Variants in LRPAP1 observed in about 807,000 individuals in gnomAD.
LRPAP1 encodes the protein LDL receptor related protein associated protein 1, also known as alpha-2-macroglobulin receptor-associated protein.
LRPAP1 carries 41 observed loss-of-function variants against 39.9 expected under a neutral mutation model. That is an observed-to-expected ratio of 1.03 (90% CI 0.80 to 1.33). The LOEUF (loss-of-function observed/expected upper bound fraction) is 1.33, where lower values mean the gene tolerates loss of function less well. Among genes scored for constraint, LRPAP1 ranks in the 40% most tolerant of loss-of-function variants. The probability of loss-of-function intolerance (pLI) is 0.00; values close to 1 mark genes in which losing one functional copy is unlikely to be tolerated. For synonymous variants in LRPAP1, 263 were observed against 212.7 expected (o/e 1.24, Z -2.06); for missense variants, 565 against 482.3 (o/e 1.17, Z -1.61).
At chr4:3,530,289 G>A (rs1160108755) in intron 1 of LRPAP1, among the ~76,000 whole-genome samples, 2 of 152,200 alleles carry the variant, frequency 1.3e-5, no homozygotes, top group East Asian at 3.9e-4. Flanking sequence ...CTTGGCTCCA[G>A]GATAGAACAC....
At chr4:3,525,945 C>T (rs544899122) in intron 1 of LRPAP1, among the ~76,000 whole-genome samples, 1 of 152,302 alleles carries the variant, frequency 6.6e-6, no homozygotes, top group African/African-American at 2.4e-5. Context: ...TCGGGGCTGG[C>T]CCGGCCGCTA....
chr4:3,528,241 A>C (rs559820019), intron 1 of LRPAP1, among the ~76,000 whole-genome samples: 22 of 152,336 alleles, frequency 1.4e-4, no homozygotes, highest in African/African-American at 4.8e-4. Flanking sequence ...CAGCGAGGCA[A>C]ATCATCAACA....
rs189543874 is a variant in LRPAP1, at chr4:3,506,727, A to G, written c.*6247T>C. 2 of 152,332 alleles carry G rather than the reference A, an allele frequency of 1.3e-5. No homozygotes were observed. The highest frequency in any genetic ancestry group is 3.9e-4 in the East Asian group (2 of 5,190). 9.4% of individuals were successfully genotyped at this position (152,332 alleles called of 1,614,324 possible). A position where few individuals can be genotyped will look rare whatever the true frequency, so the allele number is the denominator to read the frequency against. On this transcript the variant is annotated 3_prime_UTR_variant, in exon 8 of 8. Coordinates refer to ENST00000650182, the MANE Select transcript of LRPAP1 (RefSeq NM_002337.4). ...TGGTTTGCTGCTGTGTAGTTTCCCCAAAGTCTCAATTTGATGAGAAAATAG... is the reference window on the plus strand; with the variant it reads ...TGGTTTGCTGCTGTGTAGTTTCCCCGAAGTCTCAATTTGATGAGAAAATAG...
intron 7 of LRPAP1, 111 bp downstream of exon 7, chr4:3,514,641 A>T: frequency 1.5e-6 from 2 of 1,364,266 alleles, no homozygotes; most frequent in East Asian, 4.8e-5. Context: ...CAGGGAAGAC[A>T]GCAGCGTGGG....
At chr4:3,517,735 G>A (rs1729761808) in intron 5 of LRPAP1, 5 of 309,680 alleles carry the variant, frequency 1.6e-5, no homozygotes, top group Non-Finnish European at 3.0e-5. Context: ...ACAGCAGCAC[G>A]GGAGGGGCCG....
In LRPAP1 at chr4:3,518,851, G is replaced by T. The variant is rs1243855352; in HGVS notation, c.592+20C>A. Reference sequence around the variant, plus strand: ...GAGGGGGTGGGGCAGAGGGCAGGAGGGGGTGGGGGCGGGGGGCACCTTCGG... The same window carrying T: ...GAGGGGGTGGGGCAGAGGGCAGGAGTGGGTGGGGGCGGGGGGCACCTTCGG... On this transcript the variant is annotated intron_variant, in intron 4 of 7. Transcript: ENST00000650182. 22 of 1,509,614 alleles carry T rather than the reference G, an allele frequency of 1.5e-5. No individual in the cohort carries two copies. The highest frequency in any genetic ancestry group is 2.0e-5 in the Non-Finnish European group (22 of 1,119,450). The allele number at this position is 1,509,614 out of a possible 1,614,324, so 93.5% of individuals were successfully genotyped here.
rs1729306045 is a variant in LRPAP1 at position 3,504,897 on chromosome 4, A to T, written c.*8077T>A. On this transcript the variant is annotated 3_prime_UTR_variant, in exon 8 of 8. Coordinates refer to ENST00000650182, the MANE Select transcript of LRPAP1 (RefSeq NM_002337.4). ...GGGAGGCAGAGGTTGCAGTGAGCCG[A>T]GATCGCACCAACGCACTCCAGCCTG... 6.6e-6 allele frequency among the ~76,000 whole-genome samples: 1 copy of T among 152,142 alleles called. No individual in the cohort carries two copies. Among genetic ancestry groups the T allele is most frequent in the Admixed American group, 6.5e-5 (1 of 15,272 alleles).
In LRPAP1 at chr4:3,532,162, G is replaced by A. The variant is rs753187977; in HGVS notation, c.204+47C>T. The stretch of plus-strand genomic sequence containing the variant: ...GCCCCGCTCCAACGACCCCAACCAC[G>A]GCCCCCGCCCCCAGGCCCCGCTCCA... On this transcript the variant is annotated intron_variant, in intron 1 of 7. Transcript: ENST00000650182. The A allele has an allele frequency of 2.6e-6, 4 of 1,518,308 alleles. No homozygotes were observed. The South Asian group carries it at 4.8e-5, about 18-fold the overall frequency. 94.1% of individuals were successfully genotyped at this position (1,518,308 alleles called of 1,614,324 possible).
chr4:3,519,928 G>T, intron 3 of LRPAP1, 144 bp downstream of exon 3: 7 of 881,226 alleles, frequency 7.9e-6, no homozygotes, highest in Non-Finnish European at 1.2e-5. Flanking sequence ...CAGTGGAATG[G>T]CTTCCTTAGG....
rs905836162 is a variant in LRPAP1, at chr4:3,505,346, C to G, written c.*7628G>C. 6.6e-6 allele frequency among the ~76,000 whole-genome samples: 1 copy of G among 152,248 alleles called. No homozygotes were observed. The highest frequency in any genetic ancestry group is 1.5e-5 in the Non-Finnish European group (1 of 68,026). ...TCCCCCCAGCTCCAAATCCAGCATC[C>G]CTCCCCGGTGCCTAGCCCTCGCCAG... On this transcript the variant is annotated 3_prime_UTR_variant, in exon 8 of 8. Transcript: ENST00000650182.
chr4:3,525,108 G>C (rs559244312), intron 1 of LRPAP1, 57 bp from the exon 2 acceptor site: 12 of 1,601,782 alleles, frequency 7.5e-6, no homozygotes, highest in South Asian at 4.4e-5. Flanking sequence ...AGGACACAGC[G>C]AGAAACTGAC....
chr4:3,532,070 G>A (rs1484148923), intron 1 of LRPAP1, 139 bp downstream of exon 1: 19 of 948,896 alleles, frequency 2.0e-5, no homozygotes, highest in Non-Finnish European at 2.9e-5. Context: ...GGGGGAGGCT[G>A]TGCCAAGGAC....
At chr4:3,514,201 G>C (rs1794440) in intron 7 of LRPAP1, among the ~76,000 whole-genome samples, 107,751 of 152,256 alleles carry the variant, frequency 0.71, 38,533 homozygotes, top group East Asian at 0.93. Flanking sequence ...TTAGGCCTTT[G>C]CTATTTTTGA....
chr4:3,532,160 A>C, intron 1 of LRPAP1, 49 bp downstream of exon 1: 2 of 1,527,788 alleles, frequency 1.3e-6, no homozygotes, highest in South Asian at 1.2e-5. Context: ...GACCCCAACC[A>C]CGGCCCCCGC....
At chr4:3,525,389 A>G (rs1730050525) in intron 1 of LRPAP1, among the ~76,000 whole-genome samples, 2 of 152,210 alleles carry the variant, frequency 1.3e-5, no homozygotes, top group Non-Finnish European at 2.9e-5. Context: ...CAGAGCAGGA[A>G]GAAGATACCC....
At chr4:3,531,891 TGTG>T (rs1425497120) in intron 1 of LRPAP1, 6 of 428,134 alleles carry the variant, frequency 1.4e-5, no homozygotes, top group African/African-American at 1.1e-4. Context: ...GCAGGAGACC[TGTG>T]ATCTAGCCTG....
At chr4:3,520,932 T>C (rs1416163792) in intron 2 of LRPAP1, among the ~76,000 whole-genome samples, 1 of 152,102 alleles carries the variant, frequency 6.6e-6, no homozygotes, top group South Asian at 2.1e-4. Flanking sequence ...GCCACCAACA[T>C]GATATGAAAG....
chr4:3,532,358 G>C lies in LRPAP1; in HGVS notation c.55C>G (p.Leu19Val), dbSNP rs1217798391. The C allele has an allele frequency of 1.9e-6, 3 of 1,594,296 alleles. No homozygotes were observed. Among genetic ancestry groups the C allele is most frequent in the Non-Finnish European group, 2.6e-6 (3 of 1,170,914 alleles). Reference protein sequence around the residue: ...FLRGLPALLLLLLFLGPWPAA... With the variant: ...FLRGLPALLLVLLFLGPWPAA... The stretch of plus-strand genomic sequence containing the variant: ...GGCCAGGGCCCGAGGAAGAGCAGCA[G>C]CAGTAGCAGCGCCGGGAGCCCGCGC... Residue 19 changes from leucine (L) to valine (V), a missense_variant, in exon 1 of 8, where the codon CTG (leucine) becomes GTG (valine). By Grantham distance (32) the Leu-to-Val change is conservative (BLOSUM62 1). Transcript: ENST00000650182.
rs1729305365 is a variant in LRPAP1 at position 3,504,882 on chromosome 4, G to C, written c.*8092C>G. Among the ~76,000 whole-genome samples, 1 of 152,152 alleles carries C rather than the reference G, an allele frequency of 6.6e-6. No homozygotes were observed. The highest frequency in any genetic ancestry group is 2.4e-5 in the African/African-American group (1 of 41,428). On this transcript the variant is annotated 3_prime_UTR_variant, in exon 8 of 8. Coordinates refer to ENST00000650182, the MANE Select transcript of LRPAP1 (RefSeq NM_002337.4). ...GAATCGCATGAACCTGGGAGGCAGAGGTTGCAGTGAGCCGAGATCGCACCA... is the reference window on the plus strand; with the variant it reads ...GAATCGCATGAACCTGGGAGGCAGACGTTGCAGTGAGCCGAGATCGCACCA...
Sources: gnomAD v4.1 joint callset for allele counts (sites outside exome capture counted in the v4.1 genomes callset) on GRCh38, gnomAD v4.1.1 for gene constraint, MANE v1.5 for transcripts, NCBI Gene and HGNC (gene_info 2026-07-23, HGNC 2026-07-21) for gene names.